PDZRN3: variants seen among roughly 807,000 people sequenced by gnomAD.
PDZRN3 encodes E3 ubiquitin-protein ligase PDZRN3.
Under a neutral mutation model 85.7 loss-of-function variants are expected in PDZRN3, and 38 were observed. The ratio of observed to expected loss-of-function variants is 0.44; its 90% CI spans 0.34 to 0.58. The LOEUF is 0.58. Among genes scored for constraint, PDZRN3 ranks in the 20% least tolerant of loss-of-function variants. The pLI, the probability that PDZRN3 is intolerant of heterozygous loss-of-function variation, is 0.01. For missense variants in PDZRN3, 1,629 were observed against 1,506.4 expected, an observed-to-expected ratio of 1.08 and a Z score of -1.35; for synonymous variants, 759 against 638.0, an observed-to-expected ratio of 1.19 and a Z score of -2.86.
At position 73,531,583 on chromosome 3, in the gene PDZRN3, G is replaced by A. The variant is rs77644105; in HGVS notation, c.918+70771C>T. Among the ~76,000 whole-genome samples, 825 of 152,248 alleles carry A rather than the reference G, an allele frequency of 5.4e-3. 8 individuals carry two copies. The highest frequency in any genetic ancestry group is 0.019 in the African/African-American group (786 of 41,540). On this transcript the variant is annotated intron_variant, in intron 3 of 9. Transcript: ENST00000263666. Reference sequence around the variant, plus strand: ...CTACTTCTGATTAGTTGCTACCAAAGCTGCATTCTCAATCAAAGAGACAGG... The same window carrying A: ...CTACTTCTGATTAGTTGCTACCAAAACTGCATTCTCAATCAAAGAGACAGG...
intron 3 of PDZRN3, among the ~76,000 whole-genome samples, chr3:73,588,342 A>T (rs939985577): frequency 3.9e-5 from 6 of 152,172 alleles, no homozygotes; most frequent in African/African-American, 1.4e-4. Flanking sequence ...GTTGATGGGC[A>T]TTTGGGTTGG....
chr3:73,383,762 T>C lies in PDZRN3; in HGVS notation c.2804A>G (p.Lys935Arg). 6.2e-7 allele frequency: 1 copy of C among 1,613,002 alleles called. No individual in the cohort carries two copies. Among genetic ancestry groups the C allele is most frequent in the South Asian group, 1.1e-5 (1 of 91,044 alleles). ...CAGCAGGCGGTCCCGCACGGGCCTC[T>C]TGGTGATGTAGCGCGTCCCGTCGCT... Reference protein sequence around the residue: ...IRSDGTRYITKRPVRDRLLRE... With the variant: ...IRSDGTRYITRRPVRDRLLRE... Residue 935 changes from lysine to arginine, a missense_variant, in exon 10 of 10, where the codon AAG (lysine) becomes AGG (arginine). Transcript: ENST00000263666.
rs574492918 is a variant in PDZRN3, at chr3:73,608,700, G to A, written c.724-16C>T. On this transcript the variant is annotated splice_polypyrimidine_tract_variant and intron_variant, in intron 1 of 9. Coordinates refer to ENST00000263666, the MANE Select transcript of PDZRN3 (RefSeq NM_015009.3). ...TTTCTTCGCCCTGCAGGTAACAAAT[G>A]AGATCAAACTTTTATTTACCAACAG... is the stretch of plus-strand genomic sequence containing the variant. The A allele has an allele frequency of 1.3e-6, 2 of 1,543,090 alleles. No homozygotes were observed. The highest frequency in any genetic ancestry group is 8.9e-7 in the Non-Finnish European group (1 of 1,121,970).
Position 73,391,127 on chromosome 3 carries a change from A to G in PDZRN3, c.1255-11T>C. ...GTAGAGGTCCACTTCCTAGACAAAG[A>G]AAGGCATTCCCAGTGAGACTCCAGC... is the stretch of plus-strand genomic sequence containing the variant. On this transcript the variant is annotated splice_polypyrimidine_tract_variant and intron_variant, in intron 5 of 9. Transcript: ENST00000263666. 6.4e-7 allele frequency: 1 copy of G among 1,573,032 alleles called. No individual in the cohort carries two copies.
At chr3:73,471,241 C>T (rs995976325) in intron 3 of PDZRN3, among the ~76,000 whole-genome samples, 2 of 152,038 alleles carry the variant, frequency 1.3e-5, no homozygotes, top group South Asian at 2.1e-4. Flanking sequence ...ATCTTCCAGC[C>T]CAGGAACGCC....
At chr3:73,578,447 G>A (rs9815820) in intron 3 of PDZRN3, among the ~76,000 whole-genome samples, 25,766 of 152,100 alleles carry the variant, frequency 0.17, 2,343 homozygotes, top group African/African-American at 0.23. Context: ...TGGGATTACA[G>A]GTGTGAGCCA....
At chr3:73,550,640 T>C (rs1305022580) in intron 3 of PDZRN3, among the ~76,000 whole-genome samples, 3 of 152,226 alleles carry the variant, frequency 2.0e-5, no homozygotes, top group Non-Finnish European at 4.4e-5. Flanking sequence ...AGCAACTTAC[T>C]ATTATTGATT....
chr3:73,387,646 A>G (rs558070129), intron 8 of PDZRN3, among the ~76,000 whole-genome samples: 24 of 152,340 alleles, frequency 1.6e-4, no homozygotes, highest in African/African-American at 5.8e-4. Flanking sequence ...AGGCTGGAAC[A>G]TATGTCAGGC....
intron 3 of PDZRN3, among the ~76,000 whole-genome samples, chr3:73,416,917 A>AGT (rs1702103123): frequency 8.8e-6 from 1 of 113,534 alleles, no homozygotes; most frequent in Admixed American, 1.2e-4. Flanking sequence ...TTTGAGACAG[A>AGT]GTCTCACTCC....
At chr3:73,614,285 C>A (rs889740106) in intron 1 of PDZRN3, among the ~76,000 whole-genome samples, 6 of 152,078 alleles carry the variant, frequency 3.9e-5, no homozygotes, top group Non-Finnish European at 8.8e-5. Flanking sequence ...AGAATGTGAA[C>A]CATCTATTGG....
chr3:73,422,342 A>G (rs1470440483), intron 3 of PDZRN3, among the ~76,000 whole-genome samples: 2 of 152,204 alleles, frequency 1.3e-5, no homozygotes, highest in East Asian at 3.9e-4. Flanking sequence ...TTTAACCCTC[A>G]GCTGTCTCAT....
intron 3 of PDZRN3, among the ~76,000 whole-genome samples, chr3:73,530,686 T>G (rs1012425436): frequency 1.3e-5 from 2 of 152,214 alleles, no homozygotes; most frequent in African/African-American, 4.8e-5. Flanking sequence ...ACCAGAAATT[T>G]TGGATTTATT....
chr3:73,568,197 T>C (rs890770206), intron 3 of PDZRN3, among the ~76,000 whole-genome samples: 24 of 152,166 alleles, frequency 1.6e-4, no homozygotes, highest in African/African-American at 5.1e-4. Flanking sequence ...AGGGATCTCA[T>C]CTGTAAAATG....
At chr3:73,419,674 G>C (rs148562389) in intron 3 of PDZRN3, among the ~76,000 whole-genome samples, 1 of 151,830 alleles carries the variant, frequency 6.6e-6, no homozygotes, top group African/African-American at 2.4e-5. Flanking sequence ...TCGTTTCATC[G>C]TGCCTTACAG....
chr3:73,396,226 A>AC (rs1427596472), intron 5 of PDZRN3, among the ~76,000 whole-genome samples: 1 of 152,166 alleles, frequency 6.6e-6, no homozygotes. Context: ...AAACAAACAA[A>AC]AAAAAAAGTA....
intron 3 of PDZRN3, among the ~76,000 whole-genome samples, chr3:73,465,406 T>C (rs1703193658): frequency 6.6e-6 from 1 of 152,236 alleles, no homozygotes; most frequent in Admixed American, 6.5e-5. Flanking sequence ...GGATGTGATC[T>C]GAACATTCAC....
intron 5 of PDZRN3, among the ~76,000 whole-genome samples, chr3:73,393,374 G>T (rs1485389465): frequency 6.6e-6 from 1 of 152,136 alleles, no homozygotes; most frequent in African/African-American, 2.4e-5. Context: ...GCTACTCAAA[G>T]CGTGCTTCCT....
chr3:73,623,941 C>T, intron 1 of PDZRN3, 162 bp downstream of exon 1: 5 of 667,158 alleles, frequency 7.5e-6, no homozygotes, highest in Non-Finnish European at 1.1e-5. Flanking sequence ...GCAGGTTCAG[C>T]GACCTGCAAG....
chr3:73,595,698 GA>G (rs889986509), intron 3 of PDZRN3, among the ~76,000 whole-genome samples: 12 of 151,920 alleles, frequency 7.9e-5, no homozygotes, highest in Admixed American at 6.6e-4. Context: ...TAATTCAAAG[GA>G]AAAAAGCACG....
Sources: allele counts gnomAD v4.1 joint callset (sites outside exome capture counted in the v4.1 genomes callset), GRCh38; gene constraint gnomAD v4.1.1; transcripts MANE v1.5; gene names NCBI Gene and HGNC (gene_info 2026-07-23, HGNC 2026-07-21).